IGF1: variants seen among roughly 807,000 people sequenced by gnomAD.
The protein encoded by IGF1 is insulin-like growth factor 1.
In IGF1, 4 loss-of-function variants were observed where a neutral mutation model predicts 13.8. That is an observed-to-expected ratio of 0.29 (90% CI 0.14 to 0.66). The LOEUF is 0.66. Ranked by LOEUF, IGF1 falls within the 30% of genes least tolerant of loss-of-function variation. The pLI is 0.78. For synonymous variants in IGF1, 76 were observed against 72.6 expected, an observed-to-expected ratio of 1.05 and a Z score of -0.23; for missense variants, 124 against 188.5, an observed-to-expected ratio of 0.66 and a Z score of 2.00.
chr12:102,410,930 A>G (rs941985835), intron 3 of IGF1, among the ~76,000 whole-genome samples: 8 of 152,242 alleles, frequency 5.3e-5, no homozygotes, highest in African/African-American at 1.9e-4. Flanking sequence ...TTCAGCATAT[A>G]AAAGTAAACA....
chr12:102,441,437 G>A (rs1199265597), intron 2 of IGF1, among the ~76,000 whole-genome samples: 1 of 152,178 alleles, frequency 6.6e-6, no homozygotes, highest in African/African-American at 2.4e-5. Flanking sequence ...TGACTCTCCT[G>A]CTTCCAGCGT....
Position 102,449,024 on chromosome 12 carries a change from T to C in IGF1, c.220+26619A>G, listed in dbSNP as rs138104148. Reference sequence around the variant, plus strand: ...AAGGATCTAGAACCAGAAATACCATTTGACCCAGCAATCCCATTACTGGGT... The same window carrying C: ...AAGGATCTAGAACCAGAAATACCATCTGACCCAGCAATCCCATTACTGGGT... On this transcript the variant is annotated intron_variant, in intron 2 of 3. Transcript: ENST00000337514. Among the ~76,000 whole-genome samples, 357 of 152,284 alleles carry C rather than the reference T, an allele frequency of 2.3e-3. 3 individuals are homozygous for C. Among genetic ancestry groups the C allele is most frequent in the African/African-American group, 8.1e-3 (335 of 41,554 alleles).
chr12:102,446,042 T>G (rs2137118490), intron 2 of IGF1, among the ~76,000 whole-genome samples: 1 of 152,352 alleles, frequency 6.6e-6, no homozygotes, highest in South Asian at 2.1e-4. Context: ...TGTTTATTGG[T>G]TTGCCTATGT....
At chr12:102,441,942 T>TCTTCTTCTCCTTCTCCTTCTCCTTCTC (rs1877844225) in intron 2 of IGF1, among the ~76,000 whole-genome samples, 1 of 139,472 alleles carries the variant, frequency 7.2e-6, no homozygotes, top group African/African-American at 2.7e-5. Context: ...TTCTTCTTCT[T>TCTTCTTCTCCTTCTCCTTCTCCTTCTC]CTTCTTCTTC....
chr12:102,419,767 TC>T, intron 2 of IGF1, 77 bp from the exon 3 acceptor site: 1 of 1,405,248 alleles, frequency 7.1e-7, no homozygotes. Flanking sequence ...CTCCTGCCTC[TC>T]CCCACAGCTA....
intron 2 of IGF1, among the ~76,000 whole-genome samples, chr12:102,450,719 T>C (rs1178003004): frequency 6.6e-6 from 1 of 152,270 alleles, no homozygotes; most frequent in Non-Finnish European, 1.5e-5. Context: ...TCTCAATATC[T>C]ACATGCTGTT....
intron 3 of IGF1, among the ~76,000 whole-genome samples, chr12:102,403,760 C>G (rs1339675865): frequency 6.6e-6 from 1 of 151,278 alleles, no homozygotes; most frequent in Non-Finnish European, 1.5e-5. Flanking sequence ...GCATGAGCCA[C>G]TGCACCCGGC....
chr12:102,455,158 G>A (rs529953345), intron 2 of IGF1, among the ~76,000 whole-genome samples: 6 of 152,202 alleles, frequency 3.9e-5, no homozygotes, highest in Non-Finnish European at 7.3e-5. Flanking sequence ...GAAGAACTAA[G>A]GGTTCAGGTT....
chr12:102,409,331 GTC>G (rs556961571), intron 3 of IGF1, among the ~76,000 whole-genome samples: 49 of 152,272 alleles, frequency 3.2e-4, no homozygotes, highest in Admixed American at 2.9e-3. Flanking sequence ...CTGCATGTTT[GTC>G]TCTCCACTAA....
intron 2 of IGF1, among the ~76,000 whole-genome samples, chr12:102,434,723 C>T (rs2137063794): frequency 6.6e-6 from 1 of 152,112 alleles, no homozygotes; most frequent in East Asian, 1.9e-4. Flanking sequence ...AATCGCCACA[C>T]TGACTTCCAC....
At chr12:102,438,562 C>T (rs552091583) in intron 2 of IGF1, among the ~76,000 whole-genome samples, 3 of 152,154 alleles carry the variant, frequency 2.0e-5, no homozygotes, top group Admixed American at 6.6e-5. Flanking sequence ...AATAGACCAC[C>T]GGACTCTCAT....
chr12:102,442,382 G>A (rs1249779834), intron 2 of IGF1, among the ~76,000 whole-genome samples: 2 of 151,996 alleles, frequency 1.3e-5, no homozygotes, highest in Non-Finnish European at 2.9e-5. Context: ...ACTTGACATG[G>A]GATTTTAATT....
chr12:102,459,936 G>A (rs546160010), intron 2 of IGF1, among the ~76,000 whole-genome samples: 213 of 152,262 alleles, frequency 1.4e-3, no homozygotes, highest in Non-Finnish European at 2.7e-3. Context: ...ATAGACAAGC[G>A]TATAGTTAAT....
At chr12:102,473,043 C>T (rs2137259873) in intron 2 of IGF1, among the ~76,000 whole-genome samples, 1 of 152,224 alleles carries the variant, frequency 6.6e-6, no homozygotes, top group South Asian at 2.1e-4. Context: ...AGACTCAATT[C>T]AATTCAATTC....
At chr12:102,421,877 A>G (rs1230120977) in intron 2 of IGF1, among the ~76,000 whole-genome samples, 2 of 152,202 alleles carry the variant, frequency 1.3e-5, no homozygotes, top group South Asian at 2.1e-4. Context: ...CTTGTCTGCT[A>G]TAAGAGGAAG....
chr12:102,470,545 C>T (rs1880620215), intron 2 of IGF1, among the ~76,000 whole-genome samples: 1 of 152,140 alleles, frequency 6.6e-6, no homozygotes, highest in South Asian at 2.1e-4. Context: ...AGCCTATTAG[C>T]TTAGTGGTAC....
rs1384000629 is a variant in IGF1 at position 102,402,584 on chromosome 12, A to G, written c.403-18T>C. 6.4e-6 allele frequency: 5 copies of G among 780,600 alleles called. No individual in the cohort carries two copies. The highest frequency in any genetic ancestry group is 9.6e-6 in the Non-Finnish European group (4 of 417,786). 48.4% of individuals were successfully genotyped at this position (780,600 alleles called of 1,614,324 possible). A position where few individuals can be genotyped will look rare whatever the true frequency, so the allele number is the denominator to read the frequency against. On this transcript the variant is annotated intron_variant, in intron 3 of 3. Transcript: ENST00000337514. ...TGTACTTCCTATAAATAAAGGAGAA[A>G]AAGTGACATTAACTTGATGAAGTTT...
intron 3 of IGF1, among the ~76,000 whole-genome samples, chr12:102,411,226 A>G (rs1874608827): frequency 6.6e-6 from 1 of 152,198 alleles, no homozygotes; most frequent in Non-Finnish European, 1.5e-5. Context: ...CCAGTGCCTC[A>G]CAAGCTAGTC....
intron 3 of IGF1, among the ~76,000 whole-genome samples, chr12:102,419,191 A>C (rs1166169611): frequency 6.6e-6 from 1 of 152,230 alleles, no homozygotes; most frequent in East Asian, 1.9e-4. Flanking sequence ...GCTTGGGTAC[A>C]TCACATTATT....
Sources: gnomAD v4.1 joint callset for allele counts (sites outside exome capture counted in the v4.1 genomes callset) on GRCh38, gnomAD v4.1.1 for gene constraint, MANE v1.5 for transcripts, NCBI Gene and HGNC (gene_info 2026-07-23, HGNC 2026-07-21) for gene names.